The following EVX2 variants were observed in gnomAD, a reference collection of about 807,000 sequenced individuals.
EVX2 encodes homeobox even-skipped homolog protein 2.
A neutral mutation model predicts 19.2 loss-of-function variants in EVX2; 10 were observed. That is an observed-to-expected ratio of 0.52 (90% CI 0.32 to 0.89). EVX2 has a LOEUF of 0.89. Among genes scored for constraint, EVX2 ranks in the 40% least tolerant of loss-of-function variants. EVX2 has a pLI of 0.03. For missense variants in EVX2, 710 were observed against 694.9 expected (o/e 1.02, Z -0.24); for synonymous variants, 354 against 328.4 (o/e 1.08, Z -0.84).
rs1395738576 is a variant in EVX2 at position 176,083,564 on chromosome 2, G to T, written c.213C>A (p.Phe71Leu). 2 of 1,614,128 alleles carry T rather than the reference G, an allele frequency of 1.2e-6. No homozygotes were observed. Among genetic ancestry groups the T allele is most frequent in the Non-Finnish European group, 1.7e-6 (2 of 1,180,034 alleles). Reference sequence around the variant, plus strand: ...GCAGGTTGAACAAAGTGTCTATTTCGAATTTGCCCTTGGCGGGGAGTTCTC... The same window carrying T: ...GCAGGTTGAACAAAGTGTCTATTTCTAATTTGCCCTTGGCGGGGAGTTCTC... The part of the protein sequence containing the change: ...ALGELPAKGK[F>L]EIDTLFNLQH... Residue 71 changes from phenylalanine (F) to leucine (L), a missense_variant, in exon 1 of 3, where the codon TTC becomes TTA. Phe to Leu is a conservative substitution (Grantham distance 22). Coordinates refer to ENST00000308618, the MANE Select transcript of EVX2 (RefSeq NM_001080458.2). This position sits in a 1 kb window ranked among gnomAD's most constrained non-coding sequence, Gnocchi z 4.4.
rs2105371444 is a variant in EVX2, at chr2:176,080,821, C to T, written c.717G>A (p.Arg239=). The part of the protein sequence containing the change: ...ETTIKVWFQN[R]RMKDKRQRLA... Reference sequence around the variant, plus strand: ...GGCGCTGCCGCTTGTCCTTCATGCGCCGGTTCTGGAACCACACCTGCGGGG... The same window carrying T: ...GGCGCTGCCGCTTGTCCTTCATGCGTCGGTTCTGGAACCACACCTGCGGGG... The change falls in exon 3 of 3, where the codon CGG becomes CGA. Residue 239 remains arginine (R), a synonymous_variant. Coordinates refer to ENST00000308618, the MANE Select transcript of EVX2 (RefSeq NM_001080458.2). The surrounding 1 kb of genome is among the most constrained non-coding windows in gnomAD (Gnocchi z 7.0). The T allele has an allele frequency of 1.2e-6, 2 of 1,611,842 alleles. No homozygotes were observed. Among genetic ancestry groups the T allele is most frequent in the East Asian group, 2.2e-5 (1 of 44,798 alleles).
In EVX2 at chr2:176,082,056, C is replaced by A; in HGVS notation, c.699+122G>T. On this transcript the variant is annotated intron_variant, in intron 2 of 2. Transcript: ENST00000308618. The surrounding 1 kb of genome is among the most constrained non-coding windows in gnomAD (Gnocchi z 5.2). ...ATAAGCCAATTCCTTTGGTGACTAC[C>A]CCCCGCGGATTTCCAGACCCTTAGC... The A allele has an allele frequency of 9.2e-7, 1 of 1,083,662 alleles. No individual in the cohort carries two copies. Among genetic ancestry groups the A allele is most frequent in the Non-Finnish European group, 1.3e-6 (1 of 789,760 alleles). 67.1% of individuals were successfully genotyped at this position (1,083,662 alleles called of 1,614,324 possible).
rs1689185470 is a variant in EVX2 at position 176,083,871 on chromosome 2, C to T, written c.-95G>A. 8.9e-7 allele frequency: 1 copy of T among 1,118,426 alleles called. No homozygotes were observed. Among genetic ancestry groups the T allele is most frequent in the East Asian group, 2.4e-5 (1 of 42,278 alleles). 69.3% of individuals were successfully genotyped at this position (1,118,426 alleles called of 1,614,324 possible). The stretch of plus-strand genomic sequence containing the variant: ...ATTCTCATTCAGCCCCAGCGAACGC[C>T]TCTAAATATTATTATCGCTTTCGGA... On this transcript the variant is annotated 5_prime_UTR_variant, in exon 1 of 3. Coordinates refer to ENST00000308618, the MANE Select transcript of EVX2 (RefSeq NM_001080458.2). The surrounding 1 kb of genome is among the most constrained non-coding windows in gnomAD (Gnocchi z 4.4).
rs770176481 is a variant in EVX2, at chr2:176,080,058, C to T, written c.*49G>A. ...GCTCAGGGGGCGCACAGGGGACTCC[C>T]GGGCACACTCAGAGAGGCGGGCGCG... On this transcript the variant is annotated 3_prime_UTR_variant, in exon 3 of 3. Coordinates refer to ENST00000308618, the MANE Select transcript of EVX2 (RefSeq NM_001080458.2). The surrounding 1 kb of genome is among the most constrained non-coding windows in gnomAD (Gnocchi z 7.0). 6 of 1,497,622 alleles carry T rather than the reference C, an allele frequency of 4.0e-6. No individual in the cohort carries two copies. Among genetic ancestry groups the T allele is most frequent in the Non-Finnish European group, 2.7e-6 (3 of 1,122,222 alleles). 92.8% of individuals were successfully genotyped at this position (1,497,622 alleles called of 1,614,324 possible).
At position 176,080,595 on chromosome 2, in the gene EVX2, A is replaced by C; in HGVS notation, c.943T>G (p.Ser315Ala). 2.0e-6 allele frequency: 3 copies of C among 1,529,308 alleles called. No individual in the cohort carries two copies. The highest frequency in any genetic ancestry group is 3.9e-4 in the Middle Eastern group (2 of 5,104). 94.7% of individuals were successfully genotyped at this position (1,529,308 alleles called of 1,614,324 possible). The change falls in exon 3 of 3, where the codon TCC (serine) becomes GCC (alanine). Residue 315 changes from serine to alanine, a missense_variant. By Grantham distance (99) the Ser-to-Ala change is moderately conservative. Coordinates refer to ENST00000308618, the MANE Select transcript of EVX2 (RefSeq NM_001080458.2). The surrounding 1 kb of genome is among the most constrained non-coding windows in gnomAD (Gnocchi z 7.0). ...AAAASSPFAT[S>A]IRPLDTFRAL... ...CGGAAGGTGTCCAGTGGCCGGATGG[A>C]AGTAGCGAAGGGCGACGAAGCCGCG...
chr2:176,080,461 G>T lies in EVX2; in HGVS notation c.1077C>A (p.Ala359=), dbSNP rs1272556239. ...CCGCTGCGGCTGCCGCGGCTGCCGC[G>T]GCAGAGGCCGCGCTGTTGAGCCCCG... ...AAAGLNSAAS[A]AAAAAAAAAA... is the part of the protein sequence containing the mutation. The change falls in exon 3 of 3, where the codon GCC becomes GCA. Residue 359 remains alanine (A), a synonymous_variant. Transcript: ENST00000308618. The surrounding 1 kb of genome is among the most constrained non-coding windows in gnomAD (Gnocchi z 7.0). The T allele has an allele frequency of 1.5e-5, 18 of 1,206,362 alleles. No individual in the cohort carries two copies. Among genetic ancestry groups the T allele is most frequent in the Non-Finnish European group, 1.9e-5 (18 of 972,350 alleles). The allele number at this position is 1,206,362 out of a possible 1,614,324, so 74.7% of individuals were successfully genotyped here. A position where few individuals can be genotyped will look rare whatever the true frequency, so the allele number is the denominator to read the frequency against.
At position 176,080,536 on chromosome 2, in the gene EVX2, C is replaced by A; in HGVS notation, c.1002G>T (p.Leu334=). ...GACCAGGGTGGCGGAAGCTACACAG[C>A]AGCTCCGGCCGAGAGTAGGGGTGCG... is the stretch of plus-strand genomic sequence containing the variant. ...ALSHPYSRPE[L]LCSFRHPGLY... The change falls in exon 3 of 3, where the codon CTG becomes CTT. Residue 334 remains leucine (L), a synonymous_variant. Coordinates refer to ENST00000308618, the MANE Select transcript of EVX2 (RefSeq NM_001080458.2). The surrounding 1 kb of genome is among the most constrained non-coding windows in gnomAD (Gnocchi z 7.0). 6.6e-7 allele frequency: 1 copy of A among 1,509,074 alleles called. No homozygotes were observed. The highest frequency in any genetic ancestry group is 1.3e-5 in the South Asian group (1 of 76,666). 93.5% of individuals were successfully genotyped at this position (1,509,074 alleles called of 1,614,324 possible). A position where few individuals can be genotyped will look rare whatever the true frequency, so the allele number is the denominator to read the frequency against.
rs1251683606 is a variant in EVX2 at position 176,079,987 on chromosome 2, G to A, written c.*120C>T. The stretch of plus-strand genomic sequence containing the variant: ...GGTTCCCTTCGGCCTCCCGCGCCCC[G>A]GGGCGCCCCCTGGCGGCAGCGGCAG... On this transcript the variant is annotated 3_prime_UTR_variant, in exon 3 of 3. Transcript: ENST00000308618. The surrounding 1 kb of genome is among the most constrained non-coding windows in gnomAD (Gnocchi z 4.4). The A allele has an allele frequency of 3.4e-6, 4 of 1,175,296 alleles. No homozygotes were observed. In the African/African-American group the frequency reaches 4.8e-5, roughly 14 times the overall value. The allele number at this position is 1,175,296 out of a possible 1,614,324, so 72.8% of individuals were successfully genotyped here.
chr2:176,080,457 C>T lies in EVX2; in HGVS notation c.1081G>A (p.Ala361Thr), dbSNP rs1689126394. The change falls in exon 3 of 3, where the codon GCA (alanine) becomes ACA (threonine). Residue 361 changes from alanine to threonine, a missense_variant. Coordinates refer to ENST00000308618, the MANE Select transcript of EVX2 (RefSeq NM_001080458.2). This position sits in a 1 kb window ranked among gnomAD's most constrained non-coding sequence, Gnocchi z 7.0. Reference protein sequence around the residue: ...AGLNSAASAAAAAAAAAAAAS... With the variant: ...AGLNSAASAATAAAAAAAAAS... ...GCAGCCGCTGCGGCTGCCGCGGCTG[C>T]CGCGGCAGAGGCCGCGCTGTTGAGC... 2 of 1,194,522 alleles carry T rather than the reference C, an allele frequency of 1.7e-6. No homozygotes were observed. Among genetic ancestry groups the T allele is most frequent in the African/African-American group, 1.6e-5 (1 of 62,118 alleles). 74.0% of individuals were successfully genotyped at this position (1,194,522 alleles called of 1,614,324 possible).
rs920847517 is a variant in EVX2, at chr2:176,083,789, A to T, written c.-13T>A. The T allele has an allele frequency of 4.4e-6, 7 of 1,602,762 alleles. No individual in the cohort carries two copies. Among genetic ancestry groups the T allele is most frequent in the Non-Finnish European group, 6.0e-6 (7 of 1,174,466 alleles). ...TTCTTTCCATCATCTCAGCTTTCTT[A>T]AAAATGTCACAGTGGCCCTGCTGTC... On this transcript the variant is annotated 5_prime_UTR_variant, in exon 1 of 3. The change creates a premature stop within an existing upstream ORF in the 5' untranslated region. Coordinates refer to ENST00000308618, the MANE Select transcript of EVX2 (RefSeq NM_001080458.2). This position sits in a 1 kb window ranked among gnomAD's most constrained non-coding sequence, Gnocchi z 4.4.
rs2105372050 is a variant in EVX2 at position 176,082,294 on chromosome 2, A to C, written c.583T>G (p.Phe195Val). Residue 195 changes from phenylalanine to valine, a missense_variant, in exon 2 of 3, where the codon TTC becomes GTC. Phe to Val is a conservative substitution (Grantham distance 50). Transcript: ENST00000308618. This position sits in a 1 kb window ranked among gnomAD's most constrained non-coding sequence, Gnocchi z 5.2. ...ADQVRRYRTA[F>V]TREQIARLEK... is the part of the protein sequence containing the mutation. ...AGGCGCGCGATCTGCTCGCGGGTGAACGCCGTACGGTAGCGCCGCACTTGA... is the reference window on the plus strand; with the variant it reads ...AGGCGCGCGATCTGCTCGCGGGTGACCGCCGTACGGTAGCGCCGCACTTGA... The C allele has an allele frequency of 6.2e-7, 1 of 1,601,170 alleles. No homozygotes were observed. Among genetic ancestry groups the C allele is most frequent in the Admixed American group, 1.7e-5 (1 of 59,654 alleles).
In EVX2 at chr2:176,082,219, C is replaced by T; in HGVS notation, c.658G>A (p.Glu220Lys). The T allele has an allele frequency of 2.5e-6, 4 of 1,601,428 alleles. No individual in the cohort carries two copies. Among genetic ancestry groups the T allele is most frequent in the Non-Finnish European group, 3.4e-6 (4 of 1,176,824 alleles). Residue 220 changes from glutamate (E) to lysine (K), a missense_variant, in exon 2 of 3, where the codon GAG becomes AAG. By Grantham distance (56) the Glu-to-Lys change is moderately conservative (BLOSUM62 1). Coordinates refer to ENST00000308618, the MANE Select transcript of EVX2 (RefSeq NM_001080458.2). The surrounding 1 kb of genome is among the most constrained non-coding windows in gnomAD (Gnocchi z 5.2). ...GGCAGGTTGAGTGCCGCGGCCAGCT[C>T]GCACCGGCGGGGCCGCGACACATAG... Reference protein sequence around the residue: ...ENYVSRPRRCELAAALNLPET... With the variant: ...ENYVSRPRRCKLAAALNLPET...
In EVX2 at chr2:176,079,788, G is replaced by A. The variant is rs1257712220; in HGVS notation, c.*319C>T. ...CACAGCCAGGACTAGCTTAGGGGGCGAGGGGTTGGTCTTTGGGAAACCAAG... is the reference window on the plus strand; with the variant it reads ...CACAGCCAGGACTAGCTTAGGGGGCAAGGGGTTGGTCTTTGGGAAACCAAG... On this transcript the variant is annotated 3_prime_UTR_variant, in exon 3 of 3. Transcript: ENST00000308618. The surrounding 1 kb of genome is among the most constrained non-coding windows in gnomAD (Gnocchi z 4.4). The A allele has an allele frequency of 9.1e-6, 2 of 219,404 alleles. No homozygotes were observed. The highest frequency in any genetic ancestry group is 1.8e-4 in the East Asian group (2 of 11,136). 13.6% of individuals were successfully genotyped at this position (219,404 alleles called of 1,614,324 possible). A position where few individuals can be genotyped will look rare whatever the true frequency, so the allele number is the denominator to read the frequency against.
Position 176,082,637 on chromosome 2 carries a change from A to G in EVX2, c.428-188T>C. Among the ~76,000 whole-genome samples the G allele has an allele frequency of 6.6e-6, 1 of 152,230 alleles. No individual in the cohort carries two copies. Among genetic ancestry groups the G allele is most frequent in the Non-Finnish European group, 1.5e-5 (1 of 68,044 alleles). ...AGTTTGGGGAGCCCTTCATAAGCAA[A>G]TAATAGAAACGGAATTAGGAGATTT... On this transcript the variant is annotated intron_variant, in intron 1 of 2. Coordinates refer to ENST00000308618, the MANE Select transcript of EVX2 (RefSeq NM_001080458.2). This position sits in a 1 kb window ranked among gnomAD's most constrained non-coding sequence, Gnocchi z 5.2.
In EVX2 at chr2:176,080,314, G is replaced by A; in HGVS notation, c.1224C>T (p.Ala408=). 1 of 1,311,436 alleles carries A rather than the reference G, an allele frequency of 7.6e-7. No individual in the cohort carries two copies. The highest frequency in any genetic ancestry group is 9.8e-7 in the Non-Finnish European group (1 of 1,021,718). The allele number at this position is 1,311,436 out of a possible 1,614,324, so 81.2% of individuals were successfully genotyped here. ...CGCCACCGCCACCCCGGGAACCCAG[G>A]GCTGCGGCAGCTGCTGCCGCGGCTG... The part of the protein sequence containing the change: ...AAAAAAAAAA[A]LGSRGGGGGG... Residue 408 remains alanine (A), a synonymous_variant, in exon 3 of 3, where the codon GCC becomes GCT. Coordinates refer to ENST00000308618, the MANE Select transcript of EVX2 (RefSeq NM_001080458.2). This position sits in a 1 kb window ranked among gnomAD's most constrained non-coding sequence, Gnocchi z 7.0.
In EVX2 at chr2:176,080,053, A is replaced by T. The variant is rs1689107002; in HGVS notation, c.*54T>A. The stretch of plus-strand genomic sequence containing the variant: ...GGAGGGCTCAGGGGGCGCACAGGGG[A>T]CTCCCGGGCACACTCAGAGAGGCGG... On this transcript the variant is annotated 3_prime_UTR_variant, in exon 3 of 3. Transcript: ENST00000308618. This position sits in a 1 kb window ranked among gnomAD's most constrained non-coding sequence, Gnocchi z 7.0. The T allele has an allele frequency of 2.7e-6, 4 of 1,466,568 alleles. No homozygotes were observed. Among genetic ancestry groups the T allele is most frequent in the African/African-American group, 1.5e-5 (1 of 68,272 alleles). The allele number at this position is 1,466,568 out of a possible 1,614,324, so 90.8% of individuals were successfully genotyped here.
Position 176,082,516 on chromosome 2 carries a change from C to G in EVX2, c.428-67G>C. 1 of 1,480,388 alleles carries G rather than the reference C, an allele frequency of 6.8e-7. No homozygotes were observed. The highest frequency in any genetic ancestry group is 8.9e-7 in the Non-Finnish European group (1 of 1,118,830). 91.7% of individuals were successfully genotyped at this position (1,480,388 alleles called of 1,614,324 possible). A position where few individuals can be genotyped will look rare whatever the true frequency, so the allele number is the denominator to read the frequency against. On this transcript the variant is annotated intron_variant, in intron 1 of 2. Transcript: ENST00000308618. The surrounding 1 kb of genome is among the most constrained non-coding windows in gnomAD (Gnocchi z 5.2). ...CCAACAGCCCGGCGCTGGCGCTGCG[C>G]GCGGATCGGGGAAGCCCCGTCAGGA...
rs1689167036 is a variant in EVX2 at position 176,082,780 on chromosome 2, G to T, written c.428-331C>A. Among the ~76,000 whole-genome samples, 1 of 152,214 alleles carries T rather than the reference G, an allele frequency of 6.6e-6. No individual in the cohort carries two copies. Among genetic ancestry groups the T allele is most frequent in the Non-Finnish European group, 1.5e-5 (1 of 68,038 alleles). On this transcript the variant is annotated intron_variant, in intron 1 of 2. Coordinates refer to ENST00000308618, the MANE Select transcript of EVX2 (RefSeq NM_001080458.2). This position sits in a 1 kb window ranked among gnomAD's most constrained non-coding sequence, Gnocchi z 5.2. ...CCCATGGTCTGGAGACCGCAGGGCA[G>T]CTTTTTATACGGCCTCTAACCTTTA...
Position 176,078,730 on chromosome 2 carries a change from G to A in EVX2, c.*1377C>T, listed in dbSNP as rs1456398683. On this transcript the variant is annotated 3_prime_UTR_variant, in exon 3 of 3. Transcript: ENST00000308618. ...GTCTCTCCTAATGACTTCCCTTAGC[G>A]GGTTGTTAGTACTTGACAGCAGGTC... The A allele has an allele frequency of 1.3e-5, 2 of 152,178 alleles. No homozygotes were observed. The highest frequency in any genetic ancestry group is 2.9e-5 in the Non-Finnish European group (2 of 68,038). 9.4% of individuals were successfully genotyped at this position (152,178 alleles called of 1,614,324 possible).
Sources: allele counts gnomAD v4.1 joint callset (sites outside exome capture counted in the v4.1 genomes callset), GRCh38; gene constraint gnomAD v4.1.1; non-coding constraint Gnocchi (gnomAD v3.1); transcripts MANE v1.5; gene names NCBI Gene and HGNC (gene_info 2026-07-23, HGNC 2026-07-21).